The following RASGRP3 variants were observed in gnomAD, a reference collection of about 807,000 sequenced individuals.
RASGRP3 encodes the protein RAS guanyl releasing protein 3, also known as ras guanyl-releasing protein 3.
A neutral mutation model predicts 82.7 loss-of-function variants in RASGRP3; 54 were observed. The observed-to-expected ratio is 0.65, with a 90% confidence interval of 0.52 to 0.82. RASGRP3 has a LOEUF of 0.82. RASGRP3 is among the 40% of genes least tolerant of loss of function. The probability of loss-of-function intolerance (pLI) is 0.00; values close to 1 mark genes in which losing one functional copy is unlikely to be tolerated. For missense variants in RASGRP3, 861 were observed against 828.9 expected, an observed-to-expected ratio of 1.04 and a Z score of -0.48; for synonymous variants, 309 against 300.5, an observed-to-expected ratio of 1.03 and a Z score of -0.29.
chr2:33,500,080 A>G (rs1166962767), intron 1 of RASGRP3, among the ~76,000 whole-genome samples: 3 of 152,144 alleles, frequency 2.0e-5, no homozygotes, highest in Admixed American at 6.5e-5. Context: ...AAGCGTAAGT[A>G]TTGGGAGAGG....
At chr2:33,460,649 G>A (rs1376856383) in intron 2 of RASGRP3, among the ~76,000 whole-genome samples, 1 of 151,768 alleles carries the variant, frequency 6.6e-6, no homozygotes, top group African/African-American at 2.4e-5. Context: ...TGAGTAGCTG[G>A]GACTACAGGC....
chr2:33,553,501 C>T (rs1675580018), intron 14 of RASGRP3, among the ~76,000 whole-genome samples: 2 of 152,100 alleles, frequency 1.3e-5, no homozygotes, highest in Admixed American at 6.5e-5. Flanking sequence ...GAAAGAATTT[C>T]CAGGTTGTGG....
rs1285466654 is a variant in RASGRP3 at position 33,563,717 on chromosome 2, G to GAGAACC, written c.*981_*986dup. The GAGAACC allele has an allele frequency of 2.0e-5, 3 of 150,826 alleles. No individual in the cohort carries two copies. Among genetic ancestry groups the GAGAACC allele is most frequent in the African/African-American group, 7.3e-5 (3 of 41,094 alleles). 9.3% of individuals were successfully genotyped at this position (150,826 alleles called of 1,614,324 possible). A position where few individuals can be genotyped will look rare whatever the true frequency, so the allele number is the denominator to read the frequency against. ...CACCACCAAACTTTTGGTTGTAAAA[G>GAGAACC]AGAACCCTTGTTCCCTTCCTAAGAA... On this transcript the variant is annotated 3_prime_UTR_variant, in exon 18 of 18. Coordinates refer to ENST00000403687, the MANE Select transcript of RASGRP3 (RefSeq NM_001139488.2).
intron 15 of RASGRP3, among the ~76,000 whole-genome samples, 153 bp downstream of exon 15, chr2:33,555,720 G>A (rs993268448): frequency 3.9e-5 from 6 of 152,186 alleles, no homozygotes; most frequent in African/African-American, 1.4e-4. Context: ...CTGAGGAGGA[G>A]TTTCTGGAGT....
chr2:33,519,969 G>C lies in RASGRP3; in HGVS notation c.191G>C (p.Gly64Ala). 6.2e-7 allele frequency: 1 copy of C among 1,610,486 alleles called. No homozygotes were observed. Among genetic ancestry groups the C allele is most frequent in the East Asian group, 2.2e-5 (1 of 44,794 alleles). ...TGGTTTACGTATCGAAATGCCACTG[G>C]AGAAAGCTGCAATGAATTTCGATTA... The part of the protein sequence containing the change: ...KLLCMYRNAT[G>A]ESCNEFRLKI... The change falls in exon 5 of 18, where the codon GGA (glycine) becomes GCA (alanine). Residue 64 changes from glycine (G) to alanine (A), a missense_variant. By Grantham distance (60) the Gly-to-Ala change is moderately conservative (BLOSUM62 0). Coordinates refer to ENST00000403687, the MANE Select transcript of RASGRP3 (RefSeq NM_001139488.2).
chr2:33,548,089 C>T (rs185910968), intron 13 of RASGRP3, among the ~76,000 whole-genome samples: 64 of 152,226 alleles, frequency 4.2e-4, no homozygotes, highest in African/African-American at 1.4e-3. Flanking sequence ...GGGCTGGGCG[C>T]GGTGGCTCAC....
chr2:33,481,601 C>T (rs1013592351), intron 1 of RASGRP3: 1 of 152,224 alleles, frequency 6.6e-6, no homozygotes, highest in Admixed American at 6.5e-5. Flanking sequence ...ACTGGATAAC[C>T]GATTTGCGAC....
At chr2:33,457,742 G>A (rs998401032) in intron 2 of RASGRP3, among the ~76,000 whole-genome samples, 2 of 151,950 alleles carry the variant, frequency 1.3e-5, no homozygotes, top group Non-Finnish European at 1.5e-5. Context: ...TGGCTCTTAC[G>A]TGACTGATTG....
At chr2:33,468,206 C>T (rs1666838232) in intron 2 of RASGRP3, among the ~76,000 whole-genome samples, 1 of 151,752 alleles carries the variant, frequency 6.6e-6, no homozygotes, top group African/African-American at 2.4e-5. Flanking sequence ...TGCTGATGAG[C>T]ATAAAGGAGG....
intron 11 of RASGRP3, among the ~76,000 whole-genome samples, chr2:33,536,610 C>A (rs193110006): frequency 2.0e-5 from 3 of 151,756 alleles, no homozygotes; most frequent in Non-Finnish European, 2.9e-5. Context: ...ATAGAAAAGT[C>A]TTTTTATTTG....
chr2:33,490,230 C>T (rs930135014), intron 1 of RASGRP3, among the ~76,000 whole-genome samples: 2 of 152,188 alleles, frequency 1.3e-5, no homozygotes, highest in African/African-American at 4.8e-5. Context: ...TTCAGTAACT[C>T]TCATCTTTTA....
chr2:33,532,054 G>A (rs1417276705), intron 10 of RASGRP3: 1 of 151,226 alleles, frequency 6.6e-6, no homozygotes, highest in African/African-American at 2.5e-5. Context: ...GGGTACAGAG[G>A]TGCAAAAGAC....
At chr2:33,470,426 CTG>C (rs1666987307) in intron 2 of RASGRP3, among the ~76,000 whole-genome samples, 2 of 148,102 alleles carry the variant, frequency 1.4e-5, no homozygotes, top group Non-Finnish European at 3.0e-5. Context: ...GTTGCCCAGG[CTG>C]GAGTGCAGTG....
At position 33,543,598 on chromosome 2, in the gene RASGRP3, G is replaced by A; in HGVS notation, c.1365G>A (p.Leu455=). The A allele has an allele frequency of 6.2e-7, 1 of 1,607,136 alleles. No individual in the cohort carries two copies. Residue 455 remains leucine, a synonymous_variant, in exon 13 of 18, where the codon TTG becomes TTA. Coordinates refer to ENST00000403687, the MANE Select transcript of RASGRP3 (RefSeq NM_001139488.2). ...FESIAANFPF[L]DSFCVLDKDQ... ...GTATAGCTGCCAATTTTCCCTTCTT[G>A]GATTCCTTCTGTGTTCTGGACAAAG...
chr2:33,488,949 G>C (rs1668622405), intron 1 of RASGRP3, among the ~76,000 whole-genome samples: 1 of 150,634 alleles, frequency 6.6e-6, no homozygotes, highest in Admixed American at 6.7e-5. Flanking sequence ...TTAGGGGTTT[G>C]ACCGATTTTT....
intron 10 of RASGRP3, among the ~76,000 whole-genome samples, chr2:33,528,363 C>G (rs530098554): frequency 1.7e-4 from 26 of 152,324 alleles, no homozygotes; most frequent in Middle Eastern, 6.8e-3. Context: ...ACATGTTTAG[C>G]TGGTCTCTGC....
intron 1 of RASGRP3, among the ~76,000 whole-genome samples, chr2:33,498,269 C>A (rs948296163): frequency 6.6e-6 from 1 of 152,136 alleles, no homozygotes; most frequent in South Asian, 2.1e-4. Flanking sequence ...ACAACACAGA[C>A]ATTATTATTA....
chr2:33,454,650 A>T (rs138873089), intron 2 of RASGRP3, among the ~76,000 whole-genome samples: 1 of 152,320 alleles, frequency 6.6e-6, no homozygotes, highest in African/African-American at 2.4e-5. Context: ...CTCTCATCAT[A>T]GCAGAAGGCT....
chr2:33,543,487 A>G (rs750892331), intron 12 of RASGRP3, 25 bp from the exon 13 acceptor site: 23 of 1,443,472 alleles, frequency 1.6e-5, no homozygotes, highest in South Asian at 2.4e-5. Flanking sequence ...TAGTCATTCA[A>G]TAAATACTTA....
Sources: gnomAD v4.1 joint callset for allele counts (sites outside exome capture counted in the v4.1 genomes callset) on GRCh38, gnomAD v4.1.1 for gene constraint, MANE v1.5 for transcripts, NCBI Gene and HGNC (gene_info 2026-07-23, HGNC 2026-07-21) for gene names.